PEMT: variants seen among roughly 807,000 people sequenced by gnomAD.
PEMT encodes the protein phosphatidylethanolamine N-methyltransferase.
Under a neutral mutation model 27.4 loss-of-function variants are expected in PEMT, and 23 were observed. The observed-to-expected ratio is 0.84, with a 90% CI of 0.60 to 1.19. PEMT has a LOEUF of 1.19. Among genes scored for constraint, PEMT ranks in the 50% most tolerant of loss-of-function variants. PEMT has a pLI of 0.00. For synonymous variants in PEMT, 137 were observed against 139.1 expected, an observed-to-expected ratio of 0.98 and a Z score of 0.11; for missense variants, 307 against 310.1, an observed-to-expected ratio of 0.99 and a Z score of 0.07.
chr17:17,576,867 C>G, intron 2 of PEMT, 53 bp downstream of exon 2: 1 of 1,417,988 alleles, frequency 7.1e-7, no homozygotes, highest in Admixed American at 1.7e-5. Context: ...GCATGTGGGG[C>G]TCACCAAGCA....
chr17:17,559,330 T>A (rs1333362340), intron 2 of PEMT, among the ~76,000 whole-genome samples: 1 of 152,320 alleles, frequency 6.6e-6, no homozygotes, highest in South Asian at 2.1e-4. Context: ...ACTGTACCCA[T>A]TTCACAGAAG....
At position 17,576,950 on chromosome 17, in the gene PEMT, G is replaced by C. The variant is rs1911636926; in HGVS notation, c.174C>G (p.Thr58=). ...LDPSFVAAVI[T]ITFNPLYWNV... is the part of the protein sequence containing the mutation. Reference sequence around the variant, plus strand: ...TCCAGTAGAGCGGATTGAAGGTGATGGTGATGACGGCAGCCACAAAGCTGG... The same window carrying C: ...TCCAGTAGAGCGGATTGAAGGTGATCGTGATGACGGCAGCCACAAAGCTGG... The change falls in exon 2 of 7, where the codon ACC becomes ACG. Residue 58 remains threonine (T), a synonymous_variant. Coordinates refer to ENST00000255389, the MANE Select transcript of PEMT (RefSeq NM_148172.3). The C allele has an allele frequency of 6.2e-7, 1 of 1,613,860 alleles. No homozygotes were observed. The highest frequency in any genetic ancestry group is 8.5e-7 in the Non-Finnish European group (1 of 1,179,902).
chr17:17,537,338 C>A (rs1049005360), intron 2 of PEMT, among the ~76,000 whole-genome samples: 4 of 152,174 alleles, frequency 2.6e-5, no homozygotes, highest in Admixed American at 2.0e-4. Context: ...CTACTAAGAA[C>A]CCCCCACCGG....
At chr17:17,575,452 C>A (rs1911515969) in intron 2 of PEMT, among the ~76,000 whole-genome samples, 1 of 152,242 alleles carries the variant, frequency 6.6e-6, no homozygotes, top group Non-Finnish European at 1.5e-5. Context: ...AAACACCCTC[C>A]TCACCCTTCA....
intron 2 of PEMT, among the ~76,000 whole-genome samples, chr17:17,556,376 CACT>C (rs1910053790): frequency 9.5e-6 from 1 of 105,200 alleles, no homozygotes; most frequent in African/African-American, 4.8e-5. Context: ...CTCTCTCTCT[CACT>C]TTTTTTTTTT....
intron 2 of PEMT, among the ~76,000 whole-genome samples, chr17:17,563,906 G>C (rs1440619273): frequency 6.6e-6 from 1 of 152,200 alleles, no homozygotes; most frequent in South Asian, 2.1e-4. Flanking sequence ...TGGAAGAGGG[G>C]AGTCTCTAGC....
In PEMT at chr17:17,512,751, A is replaced by T; in HGVS notation, c.321-97T>A. On this transcript the variant is annotated intron_variant, in intron 3 of 6. Coordinates refer to ENST00000255389, the MANE Select transcript of PEMT (RefSeq NM_148172.3). The surrounding 1 kb of genome is among the most constrained non-coding windows in gnomAD (Gnocchi z 6.3). ...TCATCTTCTCGCCCTCTCCCCAGGG[A>T]CCCTTAGAGAGTAGCCAGCCCAGGG... The T allele has an allele frequency of 3.3e-6, 4 of 1,224,880 alleles. No individual in the cohort carries two copies. Among genetic ancestry groups the T allele is most frequent in the African/African-American group, 1.5e-5 (1 of 64,824 alleles). The allele number at this position is 1,224,880 out of a possible 1,614,324, so 75.9% of individuals were successfully genotyped here.
intron 1 of PEMT, among the ~76,000 whole-genome samples, chr17:17,578,016 C>CAAA (rs1332805592): frequency 1.7e-5 from 1 of 60,602 alleles, no homozygotes; most frequent in Non-Finnish European, 3.9e-5. Context: ...GACTCCGTCT[C>CAAA]AAAAAAAAAA....
At chr17:17,514,669 C>G (rs1417215698) in intron 3 of PEMT, among the ~76,000 whole-genome samples, 3 of 152,244 alleles carry the variant, frequency 2.0e-5, no homozygotes, top group Admixed American at 1.3e-4. Context: ...GGCTCAGGGT[C>G]ACGGGCTGCC....
rs57101175 is a variant in PEMT at position 17,564,161 on chromosome 17, G to A, written c.204+12759C>T. On this transcript the variant is annotated intron_variant, in intron 2 of 6. Coordinates refer to ENST00000255389, the MANE Select transcript of PEMT (RefSeq NM_148172.3). The stretch of plus-strand genomic sequence containing the variant: ...GCCACAGACGCCACCGGAAGGATGC[G>A]GCATCGAACACCAGGTCCTTGGGCC... 1.6e-4 allele frequency among the ~76,000 whole-genome samples: 24 copies of A among 152,302 alleles called. No individual in the cohort carries two copies. In the East Asian group the frequency reaches 3.7e-3, roughly 23 times the overall value.
chr17:17,584,073 C>A (rs962179145), intron 1 of PEMT, among the ~76,000 whole-genome samples: 5 of 152,322 alleles, frequency 3.3e-5, no homozygotes, highest in African/African-American at 9.6e-5. Context: ...ACGGGTAAGA[C>A]GGTGCTTCTC....
chr17:17,546,420 C>T (rs529582032), intron 2 of PEMT, among the ~76,000 whole-genome samples: 3 of 152,366 alleles, frequency 2.0e-5, no homozygotes, highest in East Asian at 1.9e-4. Context: ...GGGCTTTCTC[C>T]ACCACATTTT....
At chr17:17,573,796 T>C (rs1348055572) in intron 2 of PEMT, among the ~76,000 whole-genome samples, 1 of 152,204 alleles carries the variant, frequency 6.6e-6, no homozygotes, top group Non-Finnish European at 1.5e-5. Context: ...TGTTTTTGTT[T>C]TTTAAGACAG....
chr17:17,576,247 C>T (rs1308233496), intron 2 of PEMT, among the ~76,000 whole-genome samples: 2 of 152,148 alleles, frequency 1.3e-5, no homozygotes, highest in African/African-American at 4.8e-5. Flanking sequence ...AACTGACGGC[C>T]CTCCCCTCCC....
chr17:17,548,656 C>T (rs1358080844), intron 2 of PEMT, among the ~76,000 whole-genome samples: 1 of 152,210 alleles, frequency 6.6e-6, no homozygotes, highest in East Asian at 1.9e-4. Flanking sequence ...TCAAGCAATT[C>T]TCCTGCCTCA....
chr17:17,549,394 T>G (rs1909490649), intron 2 of PEMT, among the ~76,000 whole-genome samples: 1 of 152,148 alleles, frequency 6.6e-6, no homozygotes, highest in Admixed American at 6.5e-5. Context: ...TTCACCATAT[T>G]GGCCAGACTG....
intron 2 of PEMT, among the ~76,000 whole-genome samples, chr17:17,572,941 C>A (rs1911310962): frequency 6.6e-6 from 1 of 152,218 alleles, no homozygotes. Flanking sequence ...GTAATCCCAG[C>A]ACTTTGGGAG....
intron 3 of PEMT, among the ~76,000 whole-genome samples, chr17:17,520,177 C>A (rs891126625): frequency 4.6e-5 from 7 of 152,080 alleles, no homozygotes; most frequent in African/African-American, 1.7e-4. Context: ...AGTGTGGATG[C>A]CTGGGGGCTG....
At chr17:17,588,141 T>C (rs891792213) in intron 1 of PEMT, among the ~76,000 whole-genome samples, 2 of 152,210 alleles carry the variant, frequency 1.3e-5, no homozygotes, top group Non-Finnish European at 2.9e-5. Flanking sequence ...ATTGTTTTGA[T>C]GAGCAGCCAC....
Sources: allele counts gnomAD v4.1 joint callset (sites outside exome capture counted in the v4.1 genomes callset), GRCh38; gene constraint gnomAD v4.1.1; non-coding constraint Gnocchi (gnomAD v3.1); transcripts MANE v1.5; gene names NCBI Gene and HGNC (gene_info 2026-07-23, HGNC 2026-07-21).